The following FAM110C variants were observed in gnomAD, a reference collection of about 807,000 sequenced individuals.
FAM110C encodes protein FAM110C.
FAM110C carries 19 observed loss-of-function variants against 15.7 expected under a neutral mutation model. That is an observed-to-expected ratio of 1.21 (90% CI 0.85 to 1.78). The LOEUF is 1.78. Among genes scored for constraint, FAM110C ranks in the 40% most tolerant of loss-of-function variants. FAM110C has a pLI of 0.00. For synonymous variants in FAM110C, 275 were observed against 233.9 expected, an observed-to-expected ratio of 1.18 and a Z score of -1.61; for missense variants, 547 against 495.7, an observed-to-expected ratio of 1.10 and a Z score of -0.98.
In FAM110C at chr2:44,613, C is replaced by T. The variant is rs10209856; in HGVS notation, c.946+827G>A. On this transcript the variant is annotated intron_variant, in intron 1 of 1. Coordinates refer to ENST00000327669, the MANE Select transcript of FAM110C (RefSeq NM_001077710.3). ...TCTTTCTCTTCACTACTTTCCAAGA[C>T]GCCCATAGGGAAGAGCAGGTAACAG... 4,804 of 985,348 alleles carry T rather than the reference C, an allele frequency of 4.9e-3. 120 individuals carry two copies. In the African/African-American group the frequency reaches 0.07, roughly 14 times the overall value. 61.0% of individuals were successfully genotyped at this position (985,348 alleles called of 1,614,324 possible). A position where few individuals can be genotyped will look rare whatever the true frequency, so the allele number is the denominator to read the frequency against.
chr2:45,614 T>A lies in FAM110C; in HGVS notation c.772A>T (p.Ser258Cys). ...CCGCCGCTGTGCCGGGAGAAGCCGC[T>A]GCCGGAGGTGGCGACGCTCACGCTG... Reference protein sequence around the residue: ...VRSVSVATSGSGFSRHSGGDD... With the variant: ...VRSVSVATSGCGFSRHSGGDD... Residue 258 changes from serine (S) to cysteine (C), a missense_variant, in exon 1 of 2, where the codon AGC becomes TGC. Coordinates refer to ENST00000327669, the MANE Select transcript of FAM110C (RefSeq NM_001077710.3). 1 of 1,613,338 alleles carries A rather than the reference T, an allele frequency of 6.2e-7. No homozygotes were observed. The highest frequency in any genetic ancestry group is 8.5e-7 in the Non-Finnish European group (1 of 1,179,870).
chr2:39,758 G>A lies in FAM110C; in HGVS notation c.*1850C>T, dbSNP rs1176314949. On this transcript the variant is annotated 3_prime_UTR_variant, in exon 2 of 2. Transcript: ENST00000327669. ...ATCTGACCCAGGCTGCATCCATCCT[G>A]TTCTGACAGTAGAAAGGCATACACA... The A allele has an allele frequency of 1.3e-5, 2 of 152,152 alleles. No individual in the cohort carries two copies. Among genetic ancestry groups the A allele is most frequent in the Admixed American group, 6.5e-5 (1 of 15,276 alleles). The allele number at this position is 152,152 out of a possible 1,614,324, so 9.4% of individuals were successfully genotyped here.
intron 1 of FAM110C, chr2:43,678 T>C (rs1323112303): frequency 1.0e-6 from 1 of 985,438 alleles, no homozygotes; most frequent in Non-Finnish European, 1.2e-6. Context: ...TTTATTTTTA[T>C]GTTGTCAGGT....
chr2:39,145 G>A lies in FAM110C; in HGVS notation c.*2463C>T, dbSNP rs1664060857. The stretch of plus-strand genomic sequence containing the variant: ...GCAGCCGTCACTATTGCCCATTCTT[G>A]TGGGAAGCAATCGCAAGCTTTTCAT... On this transcript the variant is annotated 3_prime_UTR_variant, in exon 2 of 2. Coordinates refer to ENST00000327669, the MANE Select transcript of FAM110C (RefSeq NM_001077710.3). 2 of 152,204 alleles carry A rather than the reference G, an allele frequency of 1.3e-5. No homozygotes were observed. Among genetic ancestry groups the A allele is most frequent in the Non-Finnish European group, 2.9e-5 (2 of 68,042 alleles). The allele number at this position is 152,204 out of a possible 1,614,324, so 9.4% of individuals were successfully genotyped here.
intron 1 of FAM110C, chr2:45,205 A>G: frequency 2.0e-6 from 2 of 985,448 alleles, no homozygotes; most frequent in South Asian, 4.7e-5. Flanking sequence ...CAGACGCAGC[A>G]GACTCCTAAG....
rs928569131 is a variant in FAM110C at position 40,774 on chromosome 2, G to A, written c.*834C>T. 1 of 152,232 alleles carries A rather than the reference G, an allele frequency of 6.6e-6. No individual in the cohort carries two copies. Among genetic ancestry groups the A allele is most frequent in the African/African-American group, 2.4e-5 (1 of 41,454 alleles). The allele number at this position is 152,232 out of a possible 1,614,324, so 9.4% of individuals were successfully genotyped here. Reference sequence around the variant, plus strand: ...AAGTTGGGAACAAGAGAACCATGGAGTACATTCTAAATAGTGCTGCAAAAG... The same window carrying A: ...AAGTTGGGAACAAGAGAACCATGGAATACATTCTAAATAGTGCTGCAAAAG... On this transcript the variant is annotated 3_prime_UTR_variant, in exon 2 of 2. Coordinates refer to ENST00000327669, the MANE Select transcript of FAM110C (RefSeq NM_001077710.3).
rs541346649 is a variant in FAM110C, at chr2:40,179, A to G, written c.*1429T>C. The G allele has an allele frequency of 3.3e-5, 5 of 152,226 alleles. No individual in the cohort carries two copies. Among genetic ancestry groups the G allele is most frequent in the Non-Finnish European group, 7.3e-5 (5 of 68,034 alleles). The allele number at this position is 152,226 out of a possible 1,614,324, so 9.4% of individuals were successfully genotyped here. On this transcript the variant is annotated 3_prime_UTR_variant, in exon 2 of 2. Transcript: ENST00000327669. ...ATGATTTAAAATTATACTGACAAAA[A>G]CTAAAATCATATGAAGTAAAATAAA...
chr2:46,028 C>A lies in FAM110C; in HGVS notation c.358G>T (p.Ala120Ser). Residue 120 changes from alanine to serine, a missense_variant, in exon 1 of 2, where the codon GCA becomes TCA. Physicochemically the swap from Ala to Ser is moderately conservative, Grantham distance 99. Transcript: ENST00000327669. ...VRGSGADGPR[A>S]SLVKKLFQGP... ...TGGAAGAGCTTCTTCACCAGGCTTGCCCTGGGGCCGTCGGCGCCCGATCCT... is the reference window on the plus strand; with the variant it reads ...TGGAAGAGCTTCTTCACCAGGCTTGACCTGGGGCCGTCGGCGCCCGATCCT... 1.3e-6 allele frequency: 2 copies of A among 1,508,470 alleles called. No individual in the cohort carries two copies. Among genetic ancestry groups the A allele is most frequent in the South Asian group, 1.3e-5 (1 of 78,684 alleles). The allele number at this position is 1,508,470 out of a possible 1,614,324, so 93.4% of individuals were successfully genotyped here. A position where few individuals can be genotyped will look rare whatever the true frequency, so the allele number is the denominator to read the frequency against.
In FAM110C at chr2:41,350, A is replaced by C. The variant is rs372166558; in HGVS notation, c.*258T>G. On this transcript the variant is annotated 3_prime_UTR_variant, in exon 2 of 2. Transcript: ENST00000327669. ...ATTTCCAAACAGCTTTACGGTTTCCAGCTGCCCTCTGGAAGCAACACTAGT... is the reference window on the plus strand; with the variant it reads ...ATTTCCAAACAGCTTTACGGTTTCCCGCTGCCCTCTGGAAGCAACACTAGT... 2.7e-5 allele frequency: 11 copies of C among 406,052 alleles called. No individual in the cohort carries two copies. The highest frequency in any genetic ancestry group is 1.8e-4 in the East Asian group (5 of 27,288). The allele number at this position is 406,052 out of a possible 1,614,324, so 25.2% of individuals were successfully genotyped here.
At position 45,906 on chromosome 2, in the gene FAM110C, C is replaced by G; in HGVS notation, c.480G>C (p.Ala160=). 7.1e-7 allele frequency: 1 copy of G among 1,414,724 alleles called. No individual in the cohort carries two copies. The highest frequency in any genetic ancestry group is 9.1e-7 in the Non-Finnish European group (1 of 1,098,634). 87.6% of individuals were successfully genotyped at this position (1,414,724 alleles called of 1,614,324 possible). A position where few individuals can be genotyped will look rare whatever the true frequency, so the allele number is the denominator to read the frequency against. ...ETVPTTPGPA[A]DPAIPETPAP... The stretch of plus-strand genomic sequence containing the variant: ...CTGGGGTCTCGGGGATTGCGGGGTC[C>G]GCCGCGGGGCCAGGAGTGGTCGGGA... Residue 160 remains alanine, a synonymous_variant, in exon 1 of 2, where the codon GCG becomes GCC. Transcript: ENST00000327669.
rs906991513 is a variant in FAM110C at position 46,308 on chromosome 2, G to C, written c.78C>G (p.Pro26=). ...LPRDPAATRD[P]DAARPARRSA... Reference sequence around the variant, plus strand: ...TCCTGCGCGCCGGCCGCGCGGCGTCGGGGTCCCGGGTAGCCGCGGGGTCCC... The same window carrying C: ...TCCTGCGCGCCGGCCGCGCGGCGTCCGGGTCCCGGGTAGCCGCGGGGTCCC... Residue 26 remains proline, a synonymous_variant, in exon 1 of 2, where the codon CCC becomes CCG. Transcript: ENST00000327669. The C allele has an allele frequency of 1.5e-6, 2 of 1,328,438 alleles. No homozygotes were observed. Among genetic ancestry groups the C allele is most frequent in the African/African-American group, 3.1e-5 (2 of 64,970 alleles). The allele number at this position is 1,328,438 out of a possible 1,614,324, so 82.3% of individuals were successfully genotyped here. A position where few individuals can be genotyped will look rare whatever the true frequency, so the allele number is the denominator to read the frequency against.
At chr2:45,088 A>G in intron 1 of FAM110C, 1 of 985,424 alleles carries the variant, frequency 1.0e-6, no homozygotes, top group Non-Finnish European at 1.2e-6. Context: ...AGGAAAGAAT[A>G]CTAGGGGTGT....
chr2:39,681 T>C lies in FAM110C; in HGVS notation c.*1927A>G, dbSNP rs565376601. 1 of 152,338 alleles carries C rather than the reference T, an allele frequency of 6.6e-6. No homozygotes were observed. Among genetic ancestry groups the C allele is most frequent in the African/African-American group, 2.4e-5 (1 of 41,582 alleles). The allele number at this position is 152,338 out of a possible 1,614,324, so 9.4% of individuals were successfully genotyped here. On this transcript the variant is annotated 3_prime_UTR_variant, in exon 2 of 2. Transcript: ENST00000327669. The stretch of plus-strand genomic sequence containing the variant: ...TAGTGGAAACCATTTGGTTTTTACA[T>C]TTTTCACCTATGATATGAATGATGA...
Position 46,328 on chromosome 2 carries a change from G to A in FAM110C, c.58C>T (p.Pro20Ser). The A allele has an allele frequency of 1.5e-6, 2 of 1,320,880 alleles. No individual in the cohort carries two copies. The highest frequency in any genetic ancestry group is 4.3e-5 in the South Asian group (2 of 46,740). The allele number at this position is 1,320,880 out of a possible 1,614,324, so 81.8% of individuals were successfully genotyped here. ...PPNERLLPRD[P>S]AATRDPDAAR... ...GCGTCGGGGTCCCGGGTAGCCGCGG[G>A]GTCCCGGGGAAGGAGCCGCTCGTTC... The change falls in exon 1 of 2, where the codon CCC becomes TCC. Residue 20 changes from proline (P) to serine (S), a missense_variant. By Grantham distance (74) the Pro-to-Ser change is moderately conservative. Transcript: ENST00000327669.
intron 1 of FAM110C, chr2:43,533 C>G: frequency 1.0e-6 from 1 of 985,392 alleles, no homozygotes; most frequent in Non-Finnish European, 1.2e-6. Context: ...TTATATTTTT[C>G]ATAGGTCCAA....
At chr2:42,924 G>A (rs1664164558) in intron 1 of FAM110C, 4 of 985,324 alleles carry the variant, frequency 4.1e-6, no homozygotes, top group Non-Finnish European at 4.8e-6. Context: ...AGAAGTTGCA[G>A]AACTGGTCTC....
Position 45,939 on chromosome 2 carries a change from C to T in FAM110C, c.447G>A (p.Pro149=). The change falls in exon 1 of 2, where the codon CCG becomes CCA. Residue 149 remains proline, a synonymous_variant. Coordinates refer to ENST00000327669, the MANE Select transcript of FAM110C (RefSeq NM_001077710.3). The stretch of plus-strand genomic sequence containing the variant: ...GGCCAGGAGTGGTCGGGACCGTCTC[C>T]GGGTTCCCGGCCTTGCCCTCGTCTC... The part of the protein sequence containing the change: ...RTGDEGKAGN[P]ETVPTTPGPA... 4.2e-6 allele frequency: 6 copies of T among 1,422,234 alleles called. No homozygotes were observed. The highest frequency in any genetic ancestry group is 5.5e-6 in the Non-Finnish European group (6 of 1,097,898). 88.1% of individuals were successfully genotyped at this position (1,422,234 alleles called of 1,614,324 possible).
At chr2:42,188 C>A (rs1664144238) in intron 1 of FAM110C, 1 of 985,250 alleles carries the variant, frequency 1.0e-6, no homozygotes, top group African/African-American at 1.7e-5. Flanking sequence ...GCTGGATGTC[C>A]CGGGTTTATT....
In FAM110C at chr2:45,792, C is replaced by G; in HGVS notation, c.594G>C (p.Gln198His). 1 of 1,557,154 alleles carries G rather than the reference C, an allele frequency of 6.4e-7. No individual in the cohort carries two copies. Among genetic ancestry groups the G allele is most frequent in the Non-Finnish European group, 8.7e-7 (1 of 1,154,390 alleles). The change falls in exon 1 of 2, where the codon CAG becomes CAC. Residue 198 changes from glutamine (Q) to histidine (H), a missense_variant. Transcript: ENST00000327669. ...EPRVVRRRGL[Q>H]RSQSDLSSRY... ...GGGAGCTGAGGTCCGACTGTGAGCG[C>G]TGCAGCCCCCGACGCCTCACCACCC...
Sources: allele counts gnomAD v4.1 joint callset, GRCh38; gene constraint gnomAD v4.1.1; transcripts MANE v1.5; gene names NCBI Gene and HGNC (gene_info 2026-07-23, HGNC 2026-07-21).